The following TRRAP variants were observed in gnomAD, a reference collection of about 807,000 sequenced individuals.
TRRAP encodes the protein transformation/transcription domain-associated protein.
TRRAP carries 41 observed loss-of-function variants against 438.8 expected under a neutral mutation model. The observed-to-expected ratio is 0.09, with a 90% CI of 0.07 to 0.12. The LOEUF (loss-of-function observed/expected upper bound fraction) is 0.12, where lower values mean the gene tolerates loss of function less well. TRRAP is among the 10% of genes least tolerant of loss of function. The probability of loss-of-function intolerance (pLI) is 1.00; values close to 1 mark genes in which losing one functional copy is unlikely to be tolerated. For synonymous variants in TRRAP, 1,994 were observed against 1,962.9 expected (o/e 1.02, Z -0.42); for missense variants, 3,122 against 5,055.1 (o/e 0.62, Z 11.60).
Position 99,005,064 on chromosome 7 carries a change from T to C in TRRAP, c.10536-67T>C. ...CCGTGACAGTTCGGACATTCCTAGC[T>C]TCTTCTCAAGACAAGGACTGGTAGC... On this transcript the variant is annotated intron_variant, in intron 68 of 72. Coordinates refer to ENST00000456197, the MANE Select transcript of TRRAP (RefSeq NM_001375524.1). The surrounding 1 kb of genome is among the most constrained non-coding windows in gnomAD (Gnocchi z 5.1). 6.5e-7 allele frequency: 1 copy of C among 1,527,422 alleles called. No individual in the cohort carries two copies. The highest frequency in any genetic ancestry group is 9.0e-7 in the Non-Finnish European group (1 of 1,108,068). 94.6% of individuals were successfully genotyped at this position (1,527,422 alleles called of 1,614,324 possible).
chr7:98,970,402 C>T (rs1792359974), intron 52 of TRRAP, 111 bp downstream of exon 52: 2 of 1,368,272 alleles, frequency 1.5e-6, no homozygotes, highest in South Asian at 1.4e-5. Context: ...GGCAGAATCC[C>T]AGAGAGGAGG....
intron 65 of TRRAP, among the ~76,000 whole-genome samples, chr7:98,992,445 G>A (rs1793467655): frequency 6.6e-6 from 1 of 152,206 alleles, no homozygotes; most frequent in Admixed American, 6.5e-5. Context: ...ATTTATCCGA[G>A]TGATTTGATC....
chr7:98,889,486 G>C (rs917397045), intron 3 of TRRAP, among the ~76,000 whole-genome samples: 11 of 151,714 alleles, frequency 7.3e-5, no homozygotes, highest in African/African-American at 2.7e-4. Context: ...TCCTAAGTGG[G>C]ACCCAGAAAC....
intron 58 of TRRAP, among the ~76,000 whole-genome samples, chr7:98,980,958 G>A (rs1413873872): frequency 6.6e-6 from 1 of 152,190 alleles, no homozygotes; most frequent in African/African-American, 2.4e-5. Context: ...GGACACTGAG[G>A]CAGGAAGATC....
chr7:98,923,633 A>T (rs770520008), intron 21 of TRRAP, among the ~76,000 whole-genome samples: 1 of 152,252 alleles, frequency 6.6e-6, no homozygotes, highest in African/African-American at 2.4e-5. Context: ...GATCACATGC[A>T]GTTCCGCAAT....
chr7:98,899,606 A>G (rs1248434226), intron 9 of TRRAP, 73 bp from the exon 10 acceptor site: 3 of 1,605,358 alleles, frequency 1.9e-6, no homozygotes, highest in African/African-American at 1.3e-5. Context: ...TAATGTGATG[A>G]TTCTTCGGTA....
intron 62 of TRRAP, among the ~76,000 whole-genome samples, chr7:98,986,112 G>A (rs369622133): frequency 8.5e-5 from 13 of 152,326 alleles, no homozygotes; most frequent in African/African-American, 2.9e-4. Context: ...GTGCTGTCAT[G>A]TATCAGTAAC....
intron 48 of TRRAP, 50 bp from the exon 49 acceptor site, chr7:98,965,646 T>A (rs1278956971): frequency 6.2e-7 from 1 of 1,609,810 alleles, no homozygotes; most frequent in African/African-American, 1.3e-5. Flanking sequence ...GCTGCCTGTT[T>A]AAATCAACGT....
chr7:98,881,131 C>G lies in TRRAP; in HGVS notation c.-20C>G. 6.3e-7 allele frequency: 1 copy of G among 1,595,266 alleles called. No homozygotes were observed. Among genetic ancestry groups the G allele is most frequent in the Non-Finnish European group, 8.5e-7 (1 of 1,169,730 alleles). On this transcript the variant is annotated 5_prime_UTR_variant, in exon 2 of 73. Coordinates refer to ENST00000456197, the MANE Select transcript of TRRAP (RefSeq NM_001375524.1). The stretch of plus-strand genomic sequence containing the variant: ...GACCTGATACTTTTCTCTTGAGAAG[C>G]AAACCAGCCCAAAAGAAAAATGGCG...
chr7:98,976,614 C>T lies in TRRAP; in HGVS notation c.8091C>T (p.Pro2697=), dbSNP rs550331575. ...GCGTGCCGCCAATCCCCATCCGACC[C>T]TGCGTCCTGAAGTACCTGGGGAAGA... ...SQCVPPIPIR[P]CVLKYLGKTH... The change falls in exon 55 of 73, where the codon CCC becomes CCT. Residue 2697 remains proline (P), a synonymous_variant. Transcript: ENST00000456197. This position sits in a 1 kb window ranked among gnomAD's most constrained non-coding sequence, Gnocchi z 4.6. 161 of 1,614,222 alleles carry T rather than the reference C, an allele frequency of 1.0e-4. No individual in the cohort carries two copies. The South Asian group carries it at 1.7e-3, about 17-fold the overall frequency.
At position 98,921,696 on chromosome 7, in the gene TRRAP, G is replaced by A. The variant is rs566201073; in HGVS notation, c.2623-57G>A. The A allele has an allele frequency of 6.4e-5, 102 of 1,604,416 alleles. 1 individual carries two copies. The African/African-American group carries it at 8.0e-4, about 13-fold the overall frequency. ...TGGCCTCCCTTTTGAGTTTTGATCC[G>A]AACCTCGTGAAGGCATTACCTTAAG... On this transcript the variant is annotated intron_variant, in intron 20 of 72. Coordinates refer to ENST00000456197, the MANE Select transcript of TRRAP (RefSeq NM_001375524.1).
chr7:98,996,379 A>G (rs1233459224), intron 67 of TRRAP, among the ~76,000 whole-genome samples: 1 of 152,220 alleles, frequency 6.6e-6, no homozygotes, highest in Non-Finnish European at 1.5e-5. Flanking sequence ...CTCTCTTGCC[A>G]GGTTCTCACT....
At chr7:98,992,428 A>G (rs219822) in intron 65 of TRRAP, among the ~76,000 whole-genome samples, 93,489 of 152,188 alleles carry the variant, frequency 0.61, 31,088 homozygotes, top group African/African-American at 0.89. Context: ...GGATGTAATA[A>G]GCGTTCATTT....
Position 99,008,496 on chromosome 7 carries a change from C to G in TRRAP, c.10873C>G (p.Pro3625Ala), listed in dbSNP as rs867087161. The G allele has an allele frequency of 1.2e-6, 2 of 1,614,198 alleles. No homozygotes were observed. Among genetic ancestry groups the G allele is most frequent in the Non-Finnish European group, 1.7e-6 (2 of 1,180,038 alleles). The change falls in exon 70 of 73, where the codon CCC becomes GCC. Residue 3625 changes from proline to alanine, a missense_variant. Coordinates refer to ENST00000456197, the MANE Select transcript of TRRAP (RefSeq NM_001375524.1). ...CAAGAAGGGCATCGAGCATGACAACCCCATCTCCCGTTACTATGACCGGCT... is the reference window on the plus strand; with the variant it reads ...CAAGAAGGGCATCGAGCATGACAACGCCATCTCCCGTTACTATGACCGGCT... ...CAKKGIEHDN[P>A]ISRYYDRLAT...
At position 98,972,015 on chromosome 7, in the gene TRRAP, A is replaced by T. The variant is rs750153663; in HGVS notation, c.7839+70A>T. The T allele has an allele frequency of 7.2e-6, 11 of 1,524,278 alleles. No homozygotes were observed. The Middle Eastern group carries it at 5.3e-4, about 74-fold the overall frequency. 94.4% of individuals were successfully genotyped at this position (1,524,278 alleles called of 1,614,324 possible). On this transcript the variant is annotated intron_variant, in intron 53 of 72. Transcript: ENST00000456197. ...ACAGTTCAAAGCCTAAATCAGGATC[A>T]TTCCACAGCAGTGTAACTTTTTCTG...
intron 21 of TRRAP, among the ~76,000 whole-genome samples, chr7:98,923,226 C>T (rs1584316308): frequency 1.3e-5 from 2 of 152,106 alleles, no homozygotes; most frequent in South Asian, 2.1e-4. Flanking sequence ...CAAAAAGCTC[C>T]CCCCACCCCC....
At chr7:98,999,274 A>G (rs1426788609) in intron 67 of TRRAP, 2 of 1,183,926 alleles carry the variant, frequency 1.7e-6, no homozygotes, top group Non-Finnish European at 2.5e-6. Flanking sequence ...CAGATGTCGT[A>G]CAGGAACAGT....
At chr7:98,965,953 C>T (rs1344231970) in intron 49 of TRRAP, 58 bp downstream of exon 49, 6 of 1,585,384 alleles carry the variant, frequency 3.8e-6, no homozygotes, top group East Asian at 2.3e-5. Flanking sequence ...ATTCAAGCCT[C>T]AACATCTTGG....
chr7:98,943,332 C>T (rs1413562436), intron 31 of TRRAP, among the ~76,000 whole-genome samples: 2 of 152,140 alleles, frequency 1.3e-5, no homozygotes, highest in African/African-American at 2.4e-5. Context: ...AGTGTATTTT[C>T]TAGCCTGTCC....
Sources: gnomAD v4.1 joint callset for allele counts (sites outside exome capture counted in the v4.1 genomes callset) on GRCh38, gnomAD v4.1.1 for gene constraint, Gnocchi (gnomAD v3.1) non-coding constraint, MANE v1.5 for transcripts, NCBI Gene and HGNC (gene_info 2026-07-23, HGNC 2026-07-21) for gene names.